RAP1GAP: variants seen among roughly 807,000 people sequenced by gnomAD.
RAP1GAP encodes the protein RAP1 GTPase activating protein.
In RAP1GAP, 35 loss-of-function variants were observed where a neutral mutation model predicts 87.2. The ratio of observed to expected loss-of-function variants is 0.40; its 90% CI spans 0.31 to 0.53. The LOEUF (loss-of-function observed/expected upper bound fraction) is 0.53, where lower values mean the gene tolerates loss of function less well. RAP1GAP is among the 20% of genes least tolerant of loss of function. The pLI is 0.48. For missense variants in RAP1GAP, 734 were observed against 898.9 expected (o/e 0.82, Z 2.35); for synonymous variants, 375 against 363.9 (o/e 1.03, Z -0.35).
At chr1:21,606,423 G>A (rs1038142005) in intron 17 of RAP1GAP, among the ~76,000 whole-genome samples, 1 of 152,218 alleles carries the variant, frequency 6.6e-6, no homozygotes, top group Non-Finnish European at 1.5e-5. Flanking sequence ...GGGGCCTAAG[G>A]GTAGCTCAGG....
At chr1:21,632,517 A>G (rs549667297) in intron 2 of RAP1GAP, among the ~76,000 whole-genome samples, 2 of 152,294 alleles carry the variant, frequency 1.3e-5, no homozygotes, top group African/African-American at 2.4e-5. Context: ...TCAGCCAATA[A>G]GGCCGTGAGC....
chr1:21,666,154 G>A (rs1404590675), intron 1 of RAP1GAP, among the ~76,000 whole-genome samples: 2 of 152,160 alleles, frequency 1.3e-5, no homozygotes, highest in Non-Finnish European at 2.9e-5. Context: ...TGCCCTGGAG[G>A]CCTCACCTAA....
chr1:21,613,346 T>C lies in RAP1GAP; in HGVS notation c.475-117A>G. The C allele has an allele frequency of 1.0e-6, 1 of 973,024 alleles. No individual in the cohort carries two copies. Among genetic ancestry groups the C allele is most frequent in the Non-Finnish European group, 1.6e-6 (1 of 608,742 alleles). 60.3% of individuals were successfully genotyped at this position (973,024 alleles called of 1,614,324 possible). A position where few individuals can be genotyped will look rare whatever the true frequency, so the allele number is the denominator to read the frequency against. On this transcript the variant is annotated intron_variant, in intron 9 of 24. Transcript: ENST00000374765. The surrounding 1 kb of genome is among the most constrained non-coding windows in gnomAD (Gnocchi z 4.7). ...GAGCCATGCTGGGAATGGCCAAGGC[T>C]AAAGCAGGACTCGGGGTTCACTGTT...
chr1:21,604,611 G>C (rs900587818), intron 18 of RAP1GAP, among the ~76,000 whole-genome samples: 3 of 152,096 alleles, frequency 2.0e-5, no homozygotes, highest in Non-Finnish European at 4.4e-5. Context: ...GGAGAGGAAG[G>C]GAGTGGTTGA....
At chr1:21,605,013 A>ATAGC (rs1456198741) in intron 18 of RAP1GAP, among the ~76,000 whole-genome samples, 1 of 121,080 alleles carries the variant, frequency 8.3e-6, no homozygotes, top group African/African-American at 3.2e-5. Context: ...GGGTGGGTGG[A>ATAGC]TAGCTAGATG....
At chr1:21,628,556 C>T (rs1241472009) in intron 2 of RAP1GAP, among the ~76,000 whole-genome samples, 1 of 151,996 alleles carries the variant, frequency 6.6e-6, no homozygotes, top group Non-Finnish European at 1.5e-5. Context: ...CCCGTCTCTA[C>T]TAAAAATGCA....
chr1:21,645,136 A>G (rs968035670), intron 2 of RAP1GAP, among the ~76,000 whole-genome samples: 6 of 152,190 alleles, frequency 3.9e-5, no homozygotes, highest in Admixed American at 1.3e-4. Flanking sequence ...TGCCTGGCCT[A>G]CAGTACGTGT....
intron 1 of RAP1GAP, among the ~76,000 whole-genome samples, chr1:21,664,628 G>A (rs1209989332): frequency 1.3e-5 from 2 of 152,128 alleles, no homozygotes; most frequent in African/African-American, 4.8e-5. Context: ...TGCCAGGCAA[G>A]GACTCCTCAA....
At chr1:21,606,229 G>C (rs548103273) in intron 17 of RAP1GAP, 32 bp from the exon 18 acceptor site, 1 of 1,558,122 alleles carries the variant, frequency 6.4e-7, no homozygotes, top group Non-Finnish European at 8.7e-7. Context: ...AGGAGGCACA[G>C]GATTCCTAAG....
chr1:21,607,999 C>T (rs78378871), intron 17 of RAP1GAP, among the ~76,000 whole-genome samples: 1,921 of 152,066 alleles, frequency 0.013, 46 homozygotes, highest in African/African-American at 0.044. Flanking sequence ...GACTTCGCCC[C>T]AGCCACGCCC....
At chr1:21,660,339 C>CCATATATATATATATATATATATA (rs1553503814) in intron 1 of RAP1GAP, among the ~76,000 whole-genome samples, 6 of 52,850 alleles carry the variant, frequency 1.1e-4, no homozygotes, top group Non-Finnish European at 1.7e-4. Flanking sequence ...TCCAACTCAG[C>CCATATATATATATATATATATATA]TATATATATT....
chr1:21,648,251 TC>T (rs2096257521), intron 2 of RAP1GAP, among the ~76,000 whole-genome samples: 1 of 152,070 alleles, frequency 6.6e-6, no homozygotes, highest in Non-Finnish European at 1.5e-5. Context: ...CCAGTTACAA[TC>T]AGTCCTGGGC....
rs542323257 is a variant in RAP1GAP, at chr1:21,603,943, G to A, written c.1429-1030C>T. 2.8e-6 allele frequency: 4 copies of A among 1,427,020 alleles called. No homozygotes were observed. The highest frequency in any genetic ancestry group is 4.3e-5 in the Admixed American group (2 of 46,762). The allele number at this position is 1,427,020 out of a possible 1,614,324, so 88.4% of individuals were successfully genotyped here. A position where few individuals can be genotyped will look rare whatever the true frequency, so the allele number is the denominator to read the frequency against. On this transcript the variant is annotated intron_variant, in intron 18 of 24. Transcript: ENST00000374765. This position sits in a 1 kb window ranked among gnomAD's most constrained non-coding sequence, Gnocchi z 6.0. ...AAGCAGCAGAGGGCGGGGGCAGAGAGAGAGAGACAGAGAGAGAGTCAGAGA... is the reference window on the plus strand; with the variant it reads ...AAGCAGCAGAGGGCGGGGGCAGAGAAAGAGAGACAGAGAGAGAGTCAGAGA...
intron 21 of RAP1GAP, 97 bp downstream of exon 21, chr1:21,599,397 C>T (rs1239417381): frequency 1.3e-6 from 2 of 1,499,292 alleles, no homozygotes; most frequent in Non-Finnish European, 1.8e-6. Context: ...ACATCTCAGC[C>T]ACGCCCAGGC....
intron 21 of RAP1GAP, among the ~76,000 whole-genome samples, chr1:21,599,130 G>A (rs1210445790): frequency 6.6e-6 from 1 of 152,240 alleles, no homozygotes; most frequent in African/African-American, 2.4e-5. Flanking sequence ...GGAGGCGGCA[G>A]GAAGAGTGTT....
intron 2 of RAP1GAP, among the ~76,000 whole-genome samples, chr1:21,647,436 C>G (rs553012599): frequency 6.6e-6 from 1 of 152,276 alleles, no homozygotes; most frequent in Non-Finnish European, 1.5e-5. Flanking sequence ...TACACTACAG[C>G]CTGGGCGACA....
At chr1:21,647,446 A>G (rs544971575) in intron 2 of RAP1GAP, among the ~76,000 whole-genome samples, 1 of 152,322 alleles carries the variant, frequency 6.6e-6, no homozygotes, top group East Asian at 1.9e-4. Flanking sequence ...CCTGGGCGAC[A>G]GAGTGAGACC....
intron 16 of RAP1GAP, 68 bp downstream of exon 16, chr1:21,608,782 G>A (rs1229793131): frequency 1.4e-6 from 2 of 1,475,704 alleles, no homozygotes; most frequent in Non-Finnish European, 1.9e-6. Context: ...CCCTTCCCAG[G>A]GACAGGGCTG....
intron 2 of RAP1GAP, among the ~76,000 whole-genome samples, chr1:21,644,355 G>A (rs1275398492): frequency 6.6e-6 from 1 of 152,162 alleles, no homozygotes; most frequent in African/African-American, 2.4e-5. Flanking sequence ...AGCGCAGGGT[G>A]ACAAGCAAAC....
Sources: gnomAD v4.1 joint callset for allele counts (sites outside exome capture counted in the v4.1 genomes callset) on GRCh38, gnomAD v4.1.1 for gene constraint, Gnocchi (gnomAD v3.1) non-coding constraint, MANE v1.5 for transcripts, NCBI Gene and HGNC (gene_info 2026-07-23, HGNC 2026-07-21) for gene names.